MYT1L: variants seen among roughly 807,000 people sequenced by gnomAD.
The protein encoded by MYT1L is myelin transcription factor 1-like protein.
A neutral mutation model predicts 126.7 loss-of-function variants in MYT1L; 12 were observed. That is an observed-to-expected ratio of 0.09 (90% CI 0.06 to 0.15). The LOEUF (loss-of-function observed/expected upper bound fraction) is 0.15. Ranked by LOEUF, MYT1L falls within the 10% of genes least tolerant of loss-of-function variation. The pLI, the probability that MYT1L is intolerant of heterozygous loss-of-function variation, is 1.00. For synonymous variants in MYT1L, 541 were observed against 604.2 expected, an observed-to-expected ratio of 0.90 and a Z score of 1.53; for missense variants, 979 against 1,585.2, an observed-to-expected ratio of 0.62 and a Z score of 6.49.
At chr2:2,141,829 T>C (rs1192600177) in intron 3 of MYT1L, among the ~76,000 whole-genome samples, 2 of 152,092 alleles carry the variant, frequency 1.3e-5, no homozygotes, top group East Asian at 3.9e-4. Flanking sequence ...AAAACCTTAG[T>C]CCAGGAGCCT....
chr2:2,113,005 C>T (rs1009869357), intron 3 of MYT1L, among the ~76,000 whole-genome samples: 18 of 152,132 alleles, frequency 1.2e-4, no homozygotes, highest in African/African-American at 4.1e-4. Context: ...AAGTGCTCAG[C>T]CACTGGGTGC....
chr2:2,312,829 A>T (rs888295535), intron 1 of MYT1L, among the ~76,000 whole-genome samples: 1 of 152,030 alleles, frequency 6.6e-6, no homozygotes, highest in African/African-American at 2.4e-5. Context: ...GACTATTGTA[A>T]GCTGGGGTGT....
chr2:1,903,347 A>G lies in MYT1L; in HGVS notation c.1818-53T>C, dbSNP rs1169170469. 4 of 1,417,434 alleles carry G rather than the reference A, an allele frequency of 2.8e-6. No individual in the cohort carries two copies. The African/African-American group carries it at 4.3e-5, about 15-fold the overall frequency. 87.8% of individuals were successfully genotyped at this position (1,417,434 alleles called of 1,614,324 possible). On this transcript the variant is annotated intron_variant, in intron 13 of 24. Coordinates refer to ENST00000647738, the MANE Select transcript of MYT1L (RefSeq NM_001303052.2). ...AGCTTGCTTTCCTGTGGCTTTGTACACGACGAGCTTCACATTAAAACTAGA... is the reference window on the plus strand; with the variant it reads ...AGCTTGCTTTCCTGTGGCTTTGTACGCGACGAGCTTCACATTAAAACTAGA...
chr2:2,185,475 G>A lies in MYT1L; in HGVS notation c.-420-12487C>T, dbSNP rs59589804. Among the ~76,000 whole-genome samples the A allele has an allele frequency of 3.2e-5, 4 of 124,096 alleles. No homozygotes were observed. In the East Asian group the frequency reaches 7.0e-4, roughly 22 times the overall value. The allele number at this position is 124,096 out of a possible 152,430, so 81.4% of individuals were successfully genotyped here. A position where few individuals can be genotyped will look rare whatever the true frequency, so the allele number is the denominator to read the frequency against. The stretch of plus-strand genomic sequence containing the variant: ...CCTCCTCGAGTCCCGCGTTCCTTCT[G>A]TGAGGGGGACGCAGCCAGGCCTTCC... On this transcript the variant is annotated intron_variant, in intron 2 of 24. Coordinates refer to ENST00000647738, the MANE Select transcript of MYT1L (RefSeq NM_001303052.2).
At chr2:1,830,247 G>A (rs946650586) in intron 21 of MYT1L, among the ~76,000 whole-genome samples, 13 of 152,286 alleles carry the variant, frequency 8.5e-5, no homozygotes, top group African/African-American at 2.9e-4. Context: ...CCCTGGCTCC[G>A]TCACTCACAG....
intron 2 of MYT1L, among the ~76,000 whole-genome samples, chr2:2,247,637 GA>G (rs1302023091): frequency 1.3e-5 from 2 of 152,088 alleles, no homozygotes; most frequent in African/African-American, 4.8e-5. Context: ...GTCAAAAAAC[GA>G]GTCTTAAAAC....
chr2:1,840,661 G>A (rs1195851288), intron 20 of MYT1L, 99 bp downstream of exon 20: 16 of 864,436 alleles, frequency 1.9e-5, no homozygotes, highest in Admixed American at 7.4e-5. Context: ...ACTAAGACCC[G>A]CTGTCTCTTT....
intron 2 of MYT1L, among the ~76,000 whole-genome samples, chr2:2,274,350 G>A (rs1399609350): frequency 6.6e-6 from 1 of 151,686 alleles, no homozygotes; most frequent in African/African-American, 2.4e-5. Context: ...AGGGAGGGTA[G>A]GAGAGAAGGG....
At chr2:2,145,965 T>TC (rs1559141531) in intron 3 of MYT1L, among the ~76,000 whole-genome samples, 1 of 152,042 alleles carries the variant, frequency 6.6e-6, no homozygotes, top group Admixed American at 6.6e-5. Flanking sequence ...ACAGAAGTGT[T>TC]CCCCCCGATC....
At chr2:1,821,518 G>A (rs1364041907) in intron 21 of MYT1L, among the ~76,000 whole-genome samples, 1 of 152,114 alleles carries the variant, frequency 6.6e-6, no homozygotes, top group East Asian at 1.9e-4. Flanking sequence ...CAAATTATAG[G>A]TTTTTAAAAA....
chr2:1,961,401 A>T (rs181041680), intron 8 of MYT1L, among the ~76,000 whole-genome samples: 16 of 152,370 alleles, frequency 1.1e-4, no homozygotes, highest in Non-Finnish European at 1.9e-4. Flanking sequence ...GAACATTCCC[A>T]GGCATGCAAG....
chr2:2,122,495 GT>G (rs1054166966), intron 3 of MYT1L, among the ~76,000 whole-genome samples: 3 of 152,180 alleles, frequency 2.0e-5, no homozygotes, highest in African/African-American at 7.2e-5. Context: ...CTTCCTCCCT[GT>G]AATGGCCGGC....
intron 4 of MYT1L, among the ~76,000 whole-genome samples, chr2:2,049,954 T>A (rs559855404): frequency 6.6e-6 from 1 of 150,862 alleles, no homozygotes; most frequent in East Asian, 1.9e-4. Context: ...TACGTGTGTG[T>A]GTGTGTATAT....
chr2:2,126,197 G>A (rs1411109374), intron 3 of MYT1L, among the ~76,000 whole-genome samples: 1 of 152,172 alleles, frequency 6.6e-6, no homozygotes, highest in Non-Finnish European at 1.5e-5. Context: ...TGGTCAAGCT[G>A]CTCTAAGCCC....
intron 1 of MYT1L, chr2:2,319,233 G>T (rs893775535): frequency 6.6e-6 from 1 of 152,190 alleles, no homozygotes; most frequent in East Asian, 1.9e-4. Context: ...TTGGCCCTCA[G>T]TCAATAACCT....
chr2:2,073,396 C>T (rs2074844132), intron 3 of MYT1L, among the ~76,000 whole-genome samples: 1 of 152,056 alleles, frequency 6.6e-6, no homozygotes, highest in Non-Finnish European at 1.5e-5. Context: ...AGAAAGAAGA[C>T]TTCATCCTAA....
intron 4 of MYT1L, among the ~76,000 whole-genome samples, chr2:2,034,051 C>T (rs2149961364): frequency 6.6e-6 from 1 of 152,270 alleles, no homozygotes. Context: ...TCTCTCCAGA[C>T]TCCAGACTAA....
chr2:1,819,824 C>T (rs2038245558), intron 21 of MYT1L, among the ~76,000 whole-genome samples: 1 of 152,162 alleles, frequency 6.6e-6, no homozygotes, highest in South Asian at 2.1e-4. Flanking sequence ...TGGGTGCAAC[C>T]AAGGGGCAGA....
At chr2:2,153,647 C>T (rs2086207357) in intron 3 of MYT1L, among the ~76,000 whole-genome samples, 1 of 152,098 alleles carries the variant, frequency 6.6e-6, no homozygotes, top group East Asian at 1.9e-4. Context: ...TTTAAAATGT[C>T]TATTGGATTT....
Sources: gnomAD v4.1 joint callset for allele counts (sites outside exome capture counted in the v4.1 genomes callset) on GRCh38, gnomAD v4.1.1 for gene constraint, MANE v1.5 for transcripts, NCBI Gene and HGNC (gene_info 2026-07-23, HGNC 2026-07-21) for gene names.